The following SLC39A12 variants were observed in gnomAD, a reference collection of about 807,000 sequenced individuals.
SLC39A12 encodes solute carrier family 39 member 12.
Under a neutral mutation model 71.1 loss-of-function variants are expected in SLC39A12, and 63 were observed. That is an observed-to-expected ratio of 0.89 (90% CI 0.72 to 1.09). The LOEUF is 1.09. Ranked by LOEUF, SLC39A12 falls within the 50% of genes least tolerant of loss-of-function variation. The probability of loss-of-function intolerance (pLI) is 0.00; values close to 1 mark genes in which losing one functional copy is unlikely to be tolerated. For missense variants in SLC39A12, 892 were observed against 812.6 expected (o/e 1.10, Z -1.19); for synonymous variants, 351 against 301.3 (o/e 1.16, Z -1.71).
chr10:18,015,379 A>G lies in SLC39A12; in HGVS notation c.1947+12021A>G, dbSNP rs1291134275. Among the ~76,000 whole-genome samples, 6 of 152,154 alleles carry G rather than the reference A, an allele frequency of 3.9e-5. No individual in the cohort carries two copies. The East Asian group carries it at 1.2e-3, about 29-fold the overall frequency. ...TATTAACATTGTTCTCAATATGTGA[A>G]TAAGTGAATACTCAAAAGATGTTTT... is the stretch of plus-strand genomic sequence containing the variant. On this transcript the variant is annotated intron_variant, in intron 12 of 12. Transcript: ENST00000377369.
At chr10:17,997,656 T>A (rs986942530) in intron 10 of SLC39A12, among the ~76,000 whole-genome samples, 19 of 152,178 alleles carry the variant, frequency 1.2e-4, no homozygotes, top group African/African-American at 4.6e-4. Flanking sequence ...GCAGAATGAA[T>A]AGTGAACATA....
intron 4 of SLC39A12, among the ~76,000 whole-genome samples, chr10:17,975,726 A>T (rs1259160503): frequency 6.6e-6 from 1 of 152,194 alleles, no homozygotes; most frequent in Non-Finnish European, 1.5e-5. Context: ...GGTCCAGTAC[A>T]GCACTAGGAC....
At chr10:18,036,639 G>C (rs555020640) in intron 12 of SLC39A12, among the ~76,000 whole-genome samples, 1 of 151,186 alleles carries the variant, frequency 6.6e-6, no homozygotes, top group African/African-American at 2.4e-5. Context: ...GCTGTAGACC[G>C]GAGCTGTTCC....
In SLC39A12 at chr10:18,030,275, T is replaced by TC. The variant is rs1836802191; in HGVS notation, c.1948-12430_1948-12429insC. Among the ~76,000 whole-genome samples, 4 of 152,058 alleles carry TC rather than the reference T, an allele frequency of 2.6e-5. No individual in the cohort carries two copies. The South Asian group carries it at 8.3e-4, about 31-fold the overall frequency. ...AAACTTAGTCTTTTCTTTCTTTTTT[T>TC]TTTTTGAGATGGAGTCTCTCTCTGT... is the stretch of plus-strand genomic sequence containing the variant. On this transcript the variant is annotated intron_variant, in intron 12 of 12. Coordinates refer to ENST00000377369, the MANE Select transcript of SLC39A12 (RefSeq NM_001145195.2).
chr10:17,993,211 G>T lies in SLC39A12; in HGVS notation c.1453G>T (p.Gly485Cys). Residue 485 changes from glycine (G) to cysteine (C), a missense_variant, in exon 9 of 13, where the codon GGT (glycine) becomes TGT (cysteine). Coordinates refer to ENST00000377369, the MANE Select transcript of SLC39A12 (RefSeq NM_001145195.2). ...QGLSLVNGHV[G>C]HSHHLALNSE... ...CCTGTCATTGGTTAATGGGCACGTGGGTCATTCCCACCATCTTGCACTCAA... is the reference window on the plus strand; with the variant it reads ...CCTGTCATTGGTTAATGGGCACGTGTGTCATTCCCACCATCTTGCACTCAA... The T allele has an allele frequency of 6.4e-7, 1 of 1,551,610 alleles. No homozygotes were observed. Among genetic ancestry groups the T allele is most frequent in the Non-Finnish European group, 8.7e-7 (1 of 1,146,920 alleles).
At position 18,003,199 on chromosome 10, in the gene SLC39A12, A is replaced by G. The variant is rs753938098; in HGVS notation, c.1788A>G (p.Gly596=). The part of the protein sequence containing the change: ...MGDFAVLLSS[G]LSMKTAILMN... ...ACTTTGCCGTGCTCTTAAGCTCTGG[A>G]CTTTCTATGAAGACTGCCATCCTGA... is the stretch of plus-strand genomic sequence containing the variant. The change falls in exon 12 of 13, where the codon GGA becomes GGG. Residue 596 remains glycine (G), a synonymous_variant. Transcript: ENST00000377369. The G allele has an allele frequency of 1.2e-5, 19 of 1,613,956 alleles. No homozygotes were observed. The highest frequency in any genetic ancestry group is 1.6e-5 in the Non-Finnish European group (19 of 1,180,012).
At position 17,953,382 on chromosome 10, in the gene SLC39A12, A is replaced by G. The variant is rs10764176; in HGVS notation, c.106A>G (p.Ser36Gly). The part of the protein sequence containing the change: ...TDKPSAQDSR[S>G]RGSSGQPADL... ...CAAACCCTCAGCCCAGGATAGCAGA[A>G]GCCGTGGGAGTTCAGGCCAACCGGC... The change falls in exon 2 of 13, where the codon AGC (serine) becomes GGC (glycine). Residue 36 changes from serine (S) to glycine (G), a missense_variant. Ser to Gly is a moderately conservative substitution (Grantham distance 56). Transcript: ENST00000377369. The G allele has an allele frequency of 0.29, 476,011 of 1,613,912 alleles. 72,751 individuals are homozygous for G. The highest frequency in any genetic ancestry group is 0.34 in the South Asian group (31,045 of 91,076).
In SLC39A12 at chr10:17,993,230, C is replaced by T. The variant is rs1323305284; in HGVS notation, c.1472C>T (p.Ala491Val). Residue 491 changes from alanine (A) to valine (V), a missense_variant, in exon 9 of 13, where the codon GCA (alanine) becomes GTA (valine). Ala to Val is a moderately conservative substitution (Grantham distance 64, BLOSUM62 0). Transcript: ENST00000377369. ...NGHVGHSHHL[A>V]LNSELSDQAG... ...CACGTGGGTCATTCCCACCATCTTG[C>T]ACTCAACTCTGAATTAAGTGACCAG... The T allele has an allele frequency of 1.9e-6, 3 of 1,551,890 alleles. No individual in the cohort carries two copies. The Admixed American group carries it at 5.9e-5, about 30-fold the overall frequency.
intron 4 of SLC39A12, among the ~76,000 whole-genome samples, chr10:17,968,550 T>C (rs1284568184): frequency 2.0e-5 from 3 of 152,158 alleles, no homozygotes; most frequent in African/African-American, 7.2e-5. Context: ...TAGCAATAAA[T>C]TCTCTCATTC....
At chr10:17,981,788 T>A (rs192912146) in intron 6 of SLC39A12, among the ~76,000 whole-genome samples, 2 of 152,200 alleles carry the variant, frequency 1.3e-5, no homozygotes, top group African/African-American at 4.8e-5. Flanking sequence ...TACATACTAC[T>A]CTTCAATGAA....
intron 12 of SLC39A12, among the ~76,000 whole-genome samples, chr10:18,028,491 G>T (rs1202030260): frequency 6.6e-6 from 1 of 152,130 alleles, no homozygotes; most frequent in Non-Finnish European, 1.5e-5. Flanking sequence ...AAACTCAGAT[G>T]TACAAGAAAG....
Position 17,978,091 on chromosome 10 carries a change from T to C in SLC39A12, c.924+17T>C, listed in dbSNP as rs768137597. ...TGGGATCAGGTATTGCCATTGTTTC[T>C]CTTATTCAAGCATTTGCTACTGTCA... On this transcript the variant is annotated intron_variant, in intron 5 of 12. Coordinates refer to ENST00000377369, the MANE Select transcript of SLC39A12 (RefSeq NM_001145195.2). The C allele has an allele frequency of 6.4e-5, 98 of 1,534,944 alleles. No homozygotes were observed. The highest frequency in any genetic ancestry group is 8.2e-5 in the Non-Finnish European group (94 of 1,149,174).
At chr10:17,991,767 C>G (rs1322076489) in intron 8 of SLC39A12, among the ~76,000 whole-genome samples, 1 of 152,014 alleles carries the variant, frequency 6.6e-6, no homozygotes, top group Non-Finnish European at 1.5e-5. Flanking sequence ...TTAGTAATTT[C>G]TTTTATTATA....
chr10:17,989,455 C>G (rs1393462202), intron 7 of SLC39A12, among the ~76,000 whole-genome samples: 1 of 150,172 alleles, frequency 6.7e-6, no homozygotes, highest in Non-Finnish European at 1.5e-5. Flanking sequence ...TGTTTACTGC[C>G]CAGGAGTCTG....
At chr10:17,958,748 G>T (rs11011704) in intron 2 of SLC39A12, among the ~76,000 whole-genome samples, 20,844 of 152,136 alleles carry the variant, frequency 0.14, 1,665 homozygotes, top group East Asian at 0.25. Context: ...GTTCTTTGCA[G>T]TATCCTTGCA....
intron 6 of SLC39A12, among the ~76,000 whole-genome samples, chr10:17,985,330 A>G (rs1835372163): frequency 6.6e-6 from 1 of 152,166 alleles, no homozygotes; most frequent in Admixed American, 6.5e-5. Flanking sequence ...GTGAAAGAGC[A>G]AGACTGTCTC....
intron 4 of SLC39A12, among the ~76,000 whole-genome samples, chr10:17,971,042 G>T (rs963497371): frequency 6.6e-6 from 1 of 151,900 alleles, no homozygotes; most frequent in East Asian, 1.9e-4. Flanking sequence ...TGCTTTTTCA[G>T]TATCAATTGA....
rs186418868 is a variant in SLC39A12, at chr10:18,039,598, T to A, written c.1948-3107T>A. Among the ~76,000 whole-genome samples the A allele has an allele frequency of 2.7e-3, 415 of 152,164 alleles. 1 individual carries two copies. Among genetic ancestry groups the A allele is most frequent in the Non-Finnish European group, 3.4e-3 (229 of 67,996 alleles). On this transcript the variant is annotated intron_variant, in intron 12 of 12. Transcript: ENST00000377369. Reference sequence around the variant, plus strand: ...TTAAAATTAGCTGGGTAGGGTAGTATGCACCTGCAGTCTTAGCTACCCAGG... The same window carrying A: ...TTAAAATTAGCTGGGTAGGGTAGTAAGCACCTGCAGTCTTAGCTACCCAGG...
At chr10:17,998,223 C>T (rs950657576) in intron 10 of SLC39A12, among the ~76,000 whole-genome samples, 3 of 152,118 alleles carry the variant, frequency 2.0e-5, no homozygotes, top group African/African-American at 4.8e-5. Flanking sequence ...TACCTATCCA[C>T]GATCTGACAT....
Sources: allele counts gnomAD v4.1 joint callset (sites outside exome capture counted in the v4.1 genomes callset), GRCh38; gene constraint gnomAD v4.1.1; transcripts MANE v1.5; gene names NCBI Gene and HGNC (gene_info 2026-07-23, HGNC 2026-07-21).